Variants in SHISA9 observed in about 807,000 individuals in gnomAD.
SHISA9 encodes shisa family member 9.
A neutral mutation model predicts 38.0 loss-of-function variants in SHISA9; 13 were observed. That is an observed-to-expected ratio of 0.34 (90% CI 0.22 to 0.54). SHISA9 has a LOEUF of 0.54. SHISA9 is among the 20% of genes least tolerant of loss of function. The pLI, the probability that SHISA9 is intolerant of heterozygous loss-of-function variation, is 0.91. For synonymous variants in SHISA9, 275 were observed against 242.0 expected (o/e 1.14, Z -1.27); for missense variants, 538 against 575.8 (o/e 0.93, Z 0.67).
At chr16:13,248,781 T>C in the SHISA9 span, among the ~76,000 whole-genome samples, 16 of 152,212 alleles carry the variant, frequency 1.1e-4, no homozygotes, top group African/African-American at 3.6e-4. Flanking sequence ...GATCCTGAGA[T>C]AGGAATTCAT....
chr16:13,504,615 A>G, the SHISA9 span, among the ~76,000 whole-genome samples: 1 of 152,220 alleles, frequency 6.6e-6, no homozygotes, highest in African/African-American at 2.4e-5. Context: ...AGGGAGAAAA[A>G]TAACCAGTAA....
rs566067790 is a variant in SHISA9 at position 13,103,985 on chromosome 16, A to T, written c.692-99409A>T. On this transcript the variant is annotated intron_variant, in intron 2 of 4. Coordinates refer to ENST00000558583, the MANE Select transcript of SHISA9 (RefSeq NM_001145204.3). Reference sequence around the variant, plus strand: ...TGCTTGGGCTTTGTTCTAGAGTCCTACGAAAACACAGCCATTAGTTTCTCC... The same window carrying T: ...TGCTTGGGCTTTGTTCTAGAGTCCTTCGAAAACACAGCCATTAGTTTCTCC... 6.6e-5 allele frequency among the ~76,000 whole-genome samples: 10 copies of T among 152,296 alleles called. No homozygotes were observed. In the Middle Eastern group the frequency reaches 0.01, roughly 155 times the overall value.
At chr16:12,981,716 G>A (rs773645942) in intron 2 of SHISA9, among the ~76,000 whole-genome samples, 3 of 152,166 alleles carry the variant, frequency 2.0e-5, no homozygotes, top group Non-Finnish European at 2.9e-5. Context: ...ATCTCACAAT[G>A]TGACTATATT....
chr16:13,294,792 A>G, the SHISA9 span, among the ~76,000 whole-genome samples: 1 of 152,186 alleles, frequency 6.6e-6, no homozygotes, highest in Non-Finnish European at 1.5e-5. Flanking sequence ...AATTGAGTTG[A>G]GTGGGAAGCA....
intron 2 of SHISA9, among the ~76,000 whole-genome samples, chr16:13,176,744 T>G (rs1462482551): frequency 6.6e-6 from 1 of 152,166 alleles, no homozygotes; most frequent in Non-Finnish European, 1.5e-5. Context: ...GCAGGCTTAT[T>G]GTTATATTAT....
chr16:13,140,230 G>T (rs1310541797), intron 2 of SHISA9, among the ~76,000 whole-genome samples: 1 of 147,316 alleles, frequency 6.8e-6, no homozygotes, highest in Middle Eastern at 3.3e-3. Flanking sequence ...AGGCTGGAGT[G>T]CAATGATACC....
intron 4 of SHISA9, among the ~76,000 whole-genome samples, chr16:13,225,362 C>T (rs546467969): frequency 1.3e-4 from 20 of 152,278 alleles, no homozygotes; most frequent in East Asian, 1.9e-4. Flanking sequence ...CTTTAACAAA[C>T]GAACACACAC....
At chr16:13,562,461 C>G in the SHISA9 span, among the ~76,000 whole-genome samples, 2 of 152,002 alleles carry the variant, frequency 1.3e-5, no homozygotes, top group East Asian at 1.9e-4. Context: ...GAAACCCCAT[C>G]TCTACTAAAA....
chr16:13,196,416 A>AAAG (rs2050943523), intron 2 of SHISA9, among the ~76,000 whole-genome samples: 1 of 142,636 alleles, frequency 7.0e-6, no homozygotes, highest in African/African-American at 2.6e-5. Context: ...AAAAAGAAAG[A>AAAG]AAAAAAAAAG....
intron 2 of SHISA9, among the ~76,000 whole-genome samples, chr16:13,042,090 A>T (rs974155731): frequency 3.3e-5 from 5 of 152,146 alleles, no homozygotes; most frequent in African/African-American, 1.2e-4. Flanking sequence ...ACCAACAACT[A>T]TGGAGGCAGT....
In SHISA9 at chr16:12,925,473, G is replaced by GTGTGTGTA. The variant is rs113968316; in HGVS notation, c.691+8658_691+8659insTGTGTGTA. Among the ~76,000 whole-genome samples, 283 of 150,600 alleles carry GTGTGTGTA rather than the reference G, an allele frequency of 1.9e-3. 1 individual carries two copies. The highest frequency in any genetic ancestry group is 2.7e-3 in the Admixed American group (41 of 15,128). On this transcript the variant is annotated intron_variant, in intron 2 of 4. Transcript: ENST00000558583. ...TGTGTGTGTGTGTGTGTGTGTGTGT[G>GTGTGTGTA]CAAGCAACAGAGAAAGACAACCCTT...
intron 2 of SHISA9, among the ~76,000 whole-genome samples, chr16:13,030,238 C>A (rs1298880772): frequency 6.6e-6 from 1 of 152,172 alleles, no homozygotes; most frequent in African/African-American, 2.4e-5. Context: ...AAGAACCCCC[C>A]ACTCAGACTG....
At chr16:13,086,270 G>A (rs568442920) in intron 2 of SHISA9, among the ~76,000 whole-genome samples, 1 of 147,800 alleles carries the variant, frequency 6.8e-6, no homozygotes, top group East Asian at 2.0e-4. Flanking sequence ...CAGGAGAATT[G>A]CTTGAACCCG....
the SHISA9 span, among the ~76,000 whole-genome samples, chr16:13,245,558 T>C: frequency 4.6e-5 from 7 of 152,240 alleles, no homozygotes; most frequent in Non-Finnish European, 1.0e-4. Flanking sequence ...TGAGAATTAT[T>C]CTTTCAGATG....
the SHISA9 span, among the ~76,000 whole-genome samples, chr16:13,481,236 C>T: frequency 1.3e-4 from 20 of 152,214 alleles, no homozygotes; most frequent in African/African-American, 9.7e-5. Flanking sequence ...ACTTTATTTA[C>T]ATGATTTAGA....
the SHISA9 span, among the ~76,000 whole-genome samples, chr16:13,333,415 T>C: frequency 1.3e-5 from 2 of 152,092 alleles, no homozygotes; most frequent in Non-Finnish European, 2.9e-5. Context: ...TGGGTGTACA[T>C]TTGACTGAGA....
At chr16:13,479,695 G>C in the SHISA9 span, among the ~76,000 whole-genome samples, 1 of 152,292 alleles carries the variant, frequency 6.6e-6, no homozygotes, top group East Asian at 1.9e-4. Context: ...ATGAGGATGC[G>C]ATTAATTGGA....
chr16:13,267,813 T>C, the SHISA9 span, among the ~76,000 whole-genome samples: 1,175 of 152,024 alleles, frequency 7.7e-3, 17 homozygotes, highest in African/African-American at 0.026. Flanking sequence ...GCAGGGTGGT[T>C]GTGAGAATTT....
At chr16:13,233,773 G>T (rs2051354696) in intron 4 of SHISA9, among the ~76,000 whole-genome samples, 1 of 152,208 alleles carries the variant, frequency 6.6e-6, no homozygotes, top group African/African-American at 2.4e-5. Context: ...CACTTTGGGA[G>T]GCCAAGGTGG....
Sources: allele counts gnomAD v4.1 joint callset (sites outside exome capture counted in the v4.1 genomes callset), GRCh38; gene constraint gnomAD v4.1.1; transcripts MANE v1.5; gene names NCBI Gene and HGNC (gene_info 2026-07-23, HGNC 2026-07-21).